Variants in CTNNA3 observed in about 807,000 individuals in gnomAD.
The protein encoded by CTNNA3 is catenin alpha 3.
In CTNNA3, 76 loss-of-function variants were observed where a neutral mutation model predicts 95.7. That is an observed-to-expected ratio of 0.79 (90% CI 0.66 to 0.96). CTNNA3 has a LOEUF of 0.96. Ranked by LOEUF, CTNNA3 falls within the 40% of genes least tolerant of loss-of-function variation. CTNNA3 has a pLI of 0.00. For missense variants in CTNNA3, 1,191 were observed against 1,089.8 expected, an observed-to-expected ratio of 1.09 and a Z score of -1.31; for synonymous variants, 431 against 374.4, an observed-to-expected ratio of 1.15 and a Z score of -1.74.
At chr10:66,495,448 G>GA (rs887503991) in intron 11 of CTNNA3, among the ~76,000 whole-genome samples, 14 of 151,174 alleles carry the variant, frequency 9.3e-5, no homozygotes, top group African/African-American at 1.9e-4. Flanking sequence ...ATGGCTAAGG[G>GA]AAAAAAAAAT....
chr10:66,882,168 G>T (rs938680404), intron 7 of CTNNA3, among the ~76,000 whole-genome samples: 6 of 152,028 alleles, frequency 3.9e-5, no homozygotes, highest in Non-Finnish European at 7.4e-5. Context: ...TTTAAATCAG[G>T]TTCTTAGGGG....
intron 7 of CTNNA3, among the ~76,000 whole-genome samples, chr10:66,946,985 C>T (rs1848307199): frequency 3.3e-5 from 5 of 152,092 alleles, no homozygotes; most frequent in African/African-American, 7.2e-5. Context: ...ATGTACACAA[C>T]CAGCTCCAAG....
At chr10:67,056,041 T>A (rs1357337489) in intron 7 of CTNNA3, among the ~76,000 whole-genome samples, 6 of 152,100 alleles carry the variant, frequency 3.9e-5, no homozygotes, top group Non-Finnish European at 8.8e-5. Flanking sequence ...ATTATATTGT[T>A]GAGGTGGAGA....
chr10:66,702,732 A>AAGGAGT (rs1847991132), intron 9 of CTNNA3, among the ~76,000 whole-genome samples: 3 of 134,326 alleles, frequency 2.2e-5, no homozygotes, highest in Admixed American at 7.9e-5. Flanking sequence ...AAAAAAGAAT[A>AAGGAGT]AGTAGTAGTA....
intron 7 of CTNNA3, among the ~76,000 whole-genome samples, chr10:66,879,497 T>C (rs1844760922): frequency 6.6e-6 from 1 of 152,134 alleles, no homozygotes; most frequent in South Asian, 2.1e-4. Context: ...CTATTCTCAA[T>C]AAATCTTACC....
At chr10:66,018,147 G>A (rs74689916) in intron 15 of CTNNA3, among the ~76,000 whole-genome samples, 8 of 147,610 alleles carry the variant, frequency 5.4e-5, no homozygotes, top group East Asian at 2.1e-4. Flanking sequence ...GCCATGAGGC[G>A]CAAGTGCATA....
At chr10:66,991,735 A>G (rs527777677) in intron 7 of CTNNA3, among the ~76,000 whole-genome samples, 1 of 152,276 alleles carries the variant, frequency 6.6e-6, no homozygotes, top group South Asian at 2.1e-4. Flanking sequence ...ATCATTAGTA[A>G]CATTTGCCAG....
chr10:65,945,877 C>G lies in CTNNA3; in HGVS notation c.2400+20735G>C, dbSNP rs191718688. 4.5e-4 allele frequency among the ~76,000 whole-genome samples: 68 copies of G among 152,250 alleles called. No individual in the cohort carries two copies. The East Asian group carries it at 0.011, about 25-fold the overall frequency. On this transcript the variant is annotated intron_variant, in intron 17 of 17. Coordinates refer to ENST00000433211, the MANE Select transcript of CTNNA3 (RefSeq NM_013266.4). ...GTCATTGTGGTTACCATTACTCTTA[C>G]CGTAATACTCACAGAAATGAAGAAT...
chr10:67,622,226 T>C (rs967684919), intron 2 of CTNNA3, among the ~76,000 whole-genome samples: 1 of 152,190 alleles, frequency 6.6e-6, no homozygotes, highest in Non-Finnish European at 1.5e-5. Flanking sequence ...AATCTATTAA[T>C]ATCATTTTCC....
At chr10:66,894,131 T>C (rs1244859582) in intron 7 of CTNNA3, among the ~76,000 whole-genome samples, 1 of 152,012 alleles carries the variant, frequency 6.6e-6, no homozygotes, top group Non-Finnish European at 1.5e-5. Context: ...TCCATGAATT[T>C]ATTAGATGGT....
At chr10:67,496,927 T>C (rs910404443) in intron 5 of CTNNA3, among the ~76,000 whole-genome samples, 8 of 152,166 alleles carry the variant, frequency 5.3e-5, no homozygotes, top group African/African-American at 1.9e-4. Flanking sequence ...AAACTATGTG[T>C]CTATCTTTTT....
chr10:66,331,338 G>GCTTGCTTTTTTTTTTTT lies in CTNNA3; in HGVS notation c.1732+47813_1732+47814insAAAAAAAAAAAAGCAAG. On this transcript the variant is annotated intron_variant, in intron 12 of 17. Coordinates refer to ENST00000433211, the MANE Select transcript of CTNNA3 (RefSeq NM_013266.4). ...TTAAATATGGACTCCTTTCCCCATT[G>GCTTGCTTTTTTTTTTTT]TTTGTTTTTTTTTTTTTTTTTTTTT... 5.3e-3 allele frequency among the ~76,000 whole-genome samples: 209 copies of GCTTGCTTTTTTTTTTTT among 39,094 alleles called. 45 individuals carry two copies. The highest frequency in any genetic ancestry group is 0.014 in the Middle Eastern group (1 of 70). 25.6% of individuals were successfully genotyped at this position (39,094 alleles called of 152,430 possible).
At chr10:65,950,808 A>C (rs1476557869) in intron 17 of CTNNA3, among the ~76,000 whole-genome samples, 1 of 152,220 alleles carries the variant, frequency 6.6e-6, no homozygotes, top group East Asian at 1.9e-4. Flanking sequence ...TAAGGAGTAC[A>C]TTTAACAGTA....
chr10:67,305,378 TA>T lies in CTNNA3; in HGVS notation c.580-85509del, dbSNP rs562331483. Among the ~76,000 whole-genome samples the T allele has an allele frequency of 9.1e-3, 963 of 105,472 alleles. 5 individuals are homozygous for T. The highest frequency in any genetic ancestry group is 0.015 in the Middle Eastern group (3 of 200). The allele number at this position is 105,472 out of a possible 152,430, so 69.2% of individuals were successfully genotyped here. ...TTAGAGTATAATAAAAAAAAAAAAT[TA>T]AAAAAAAAAAAAAGAGAGAGAGACA... is the stretch of plus-strand genomic sequence containing the variant. On this transcript the variant is annotated intron_variant, in intron 5 of 17. Coordinates refer to ENST00000433211, the MANE Select transcript of CTNNA3 (RefSeq NM_013266.4).
At chr10:66,060,085 T>G (rs1589308059) in intron 15 of CTNNA3, among the ~76,000 whole-genome samples, 1 of 152,170 alleles carries the variant, frequency 6.6e-6, no homozygotes, top group African/African-American at 2.4e-5. Context: ...GCATCCTAGG[T>G]GATCATAGAA....
chr10:67,151,908 G>C (rs1176396069), intron 7 of CTNNA3, among the ~76,000 whole-genome samples: 1 of 152,142 alleles, frequency 6.6e-6, no homozygotes, highest in African/African-American at 2.4e-5. Flanking sequence ...AACATGCTGT[G>C]TCATCCCCTT....
intron 11 of CTNNA3, among the ~76,000 whole-genome samples, chr10:66,486,291 T>A (rs1022167696): frequency 1.3e-5 from 2 of 152,194 alleles, no homozygotes; most frequent in Admixed American, 1.3e-4. Flanking sequence ...AATATTTTCA[T>A]ATCATACATC....
At chr10:66,842,777 T>C (rs1007645520) in intron 7 of CTNNA3, among the ~76,000 whole-genome samples, 5 of 152,144 alleles carry the variant, frequency 3.3e-5, no homozygotes, top group Admixed American at 2.0e-4. Flanking sequence ...GGGTTAACTC[T>C]TCAGAAACCT....
intron 7 of CTNNA3, among the ~76,000 whole-genome samples, chr10:66,986,886 A>G (rs1289522579): frequency 6.6e-6 from 1 of 152,202 alleles, no homozygotes; most frequent in East Asian, 1.9e-4. Flanking sequence ...CTGTGAATAC[A>G]GAAGTGCACC....
Sources: gnomAD v4.1 joint callset for allele counts (sites outside exome capture counted in the v4.1 genomes callset) on GRCh38, gnomAD v4.1.1 for gene constraint, MANE v1.5 for transcripts, NCBI Gene and HGNC (gene_info 2026-07-23, HGNC 2026-07-21) for gene names.